The following CHFR variants were observed in gnomAD, a reference collection of about 807,000 sequenced individuals.
CHFR encodes the protein checkpoint with forkhead and ring finger domains.
In CHFR, 57 loss-of-function variants were observed where a neutral mutation model predicts 87.6. The observed-to-expected ratio is 0.65, with a 90% confidence interval of 0.53 to 0.81. CHFR has a LOEUF of 0.81. Among genes scored for constraint, CHFR ranks in the 30% least tolerant of loss-of-function variants. CHFR has a pLI of 0.00. For missense variants in CHFR, 797 were observed against 865.8 expected (o/e 0.92, Z 1.00); for synonymous variants, 381 against 359.2 (o/e 1.06, Z -0.69).
At chr12:132,863,683 C>T (rs554671088) in intron 6 of CHFR, among the ~76,000 whole-genome samples, 6 of 152,256 alleles carry the variant, frequency 3.9e-5, no homozygotes, top group East Asian at 3.9e-4. Flanking sequence ...GTAGGGAGAG[C>T]GCTATCTCCA....
At chr12:132,878,473 TAA>T (rs199736176) in intron 2 of CHFR, among the ~76,000 whole-genome samples, 85 of 112,984 alleles carry the variant, frequency 7.5e-4, no homozygotes, top group Middle Eastern at 6.3e-3. Flanking sequence ...CAACTGGAAA[TAA>T]AAAAAAAAAA....
At chr12:132,860,934 G>T (rs1378480624) in intron 7 of CHFR, among the ~76,000 whole-genome samples, 3 of 152,166 alleles carry the variant, frequency 2.0e-5, no homozygotes, top group Non-Finnish European at 4.4e-5. Context: ...TGCATTTTTA[G>T]TAGAGACGGA....
chr12:132,863,291 T>C (rs1215669233), intron 6 of CHFR, among the ~76,000 whole-genome samples: 7 of 150,644 alleles, frequency 4.6e-5, no homozygotes, highest in Admixed American at 4.6e-4. Context: ...GTGGATCATC[T>C]GAGGTCAGGA....
Position 132,843,031 on chromosome 12 carries a change from C to T in CHFR, c.1896G>A (p.Gln632=), listed in dbSNP as rs1950735030. 1 of 1,613,048 alleles carries T rather than the reference C, an allele frequency of 6.2e-7. No individual in the cohort carries two copies. The highest frequency in any genetic ancestry group is 1.7e-5 in the Admixed American group (1 of 59,892). The change falls in exon 17 of 18, where the codon CAG becomes CAA. Residue 632 remains glutamine, a synonymous_variant. Transcript: ENST00000450056. ...CTCACATGGCGTGGTGAGCTTTCAC[C>T]TGAGTGCGGCAGTTACGGCCCCAGT... ...DCYWGRNCRT[Q]VKAHHAMKFN... is the part of the protein sequence containing the mutation.
chr12:132,872,721 C>T (rs1000242998), intron 3 of CHFR, among the ~76,000 whole-genome samples: 1 of 152,214 alleles, frequency 6.6e-6, no homozygotes, highest in Admixed American at 6.5e-5. Context: ...GCTTCCACCT[C>T]CAGCCTCCCC....
intron 3 of CHFR, among the ~76,000 whole-genome samples, chr12:132,874,980 C>T (rs186699691): frequency 1.0e-3 from 153 of 150,648 alleles, no homozygotes; most frequent in South Asian, 4.2e-3. Flanking sequence ...CTGATGTAGG[C>T]GGGAAAGCCC....
intron 3 of CHFR, among the ~76,000 whole-genome samples, chr12:132,873,218 G>A (rs894161494): frequency 1.3e-5 from 2 of 152,202 alleles, no homozygotes; most frequent in African/African-American, 4.8e-5. Flanking sequence ...GCTGAGGGAT[G>A]GGAGTGGCAA....
At position 132,837,881 on chromosome 12, in the gene CHFR, T is replaced by C. The variant is rs1388219422; in HGVS notation, c.*3673A>G. On this transcript the variant is annotated 3_prime_UTR_variant, in exon 18 of 18. Coordinates refer to ENST00000450056, the MANE Select transcript of CHFR (RefSeq NM_001161346.2). ...GGGCACGGCCGCGGGGACAGCGTTC[T>C]GGTTTCCCCATCAAGCCAGGCTGGA... The C allele has an allele frequency of 6.6e-6, 1 of 152,424 alleles. No homozygotes were observed. Among genetic ancestry groups the C allele is most frequent in the Non-Finnish European group, 1.5e-5 (1 of 68,152 alleles). The allele number at this position is 152,424 out of a possible 1,614,324, so 9.4% of individuals were successfully genotyped here. A position where few individuals can be genotyped will look rare whatever the true frequency, so the allele number is the denominator to read the frequency against.
intron 12 of CHFR, chr12:132,849,239 G>A (rs551684854): frequency 2.4e-4 from 37 of 152,954 alleles, no homozygotes; most frequent in African/African-American, 8.2e-4. Flanking sequence ...ATGATGCACT[G>A]CGCCCGGCCT....
chr12:132,861,323 C>G, intron 7 of CHFR, 144 bp downstream of exon 7: 1 of 729,454 alleles, frequency 1.4e-6, no homozygotes, highest in Admixed American at 2.7e-5. Context: ...ATGAAAATGC[C>G]GGAGGTGTTA....
chr12:132,841,489 T>A lies in CHFR; in HGVS notation c.*65A>T. 1 of 1,403,186 alleles carries A rather than the reference T, an allele frequency of 7.1e-7. No individual in the cohort carries two copies. Among genetic ancestry groups the A allele is most frequent in the Non-Finnish European group, 1.0e-6 (1 of 988,076 alleles). The allele number at this position is 1,403,186 out of a possible 1,614,324, so 86.9% of individuals were successfully genotyped here. On this transcript the variant is annotated 3_prime_UTR_variant, in exon 18 of 18. Transcript: ENST00000450056. The stretch of plus-strand genomic sequence containing the variant: ...GTGAAAACACCTTGACGTGCTTGTC[T>A]CTGTATTTTAAAAACACGCTCTCTT...
intron 3 of CHFR, among the ~76,000 whole-genome samples, chr12:132,874,584 T>C (rs12316858): frequency 3.4e-3 from 199 of 58,688 alleles, no homozygotes; most frequent in African/African-American, 4.7e-3. Flanking sequence ...GCACCCAGCG[T>C]GGGAAAGCCA....
At position 132,837,105 on chromosome 12, in the gene CHFR, G is replaced by C. The variant is rs2136898864; in HGVS notation, c.*4449C>G. 1 of 314,012 alleles carries C rather than the reference G, an allele frequency of 3.2e-6. No individual in the cohort carries two copies. Among genetic ancestry groups the C allele is most frequent in the African/African-American group, 2.2e-5 (1 of 45,438 alleles). 19.5% of individuals were successfully genotyped at this position (314,012 alleles called of 1,614,324 possible). On this transcript the variant is annotated 3_prime_UTR_variant, in exon 18 of 18. Coordinates refer to ENST00000450056, the MANE Select transcript of CHFR (RefSeq NM_001161346.2). Reference sequence around the variant, plus strand: ...TTTGTGAGAATTAGCTGGTTCGGTGGAGAAGCAGAGGAACACCTGAGGGGC... The same window carrying C: ...TTTGTGAGAATTAGCTGGTTCGGTGCAGAAGCAGAGGAACACCTGAGGGGC...
chr12:132,858,969 A>T, intron 8 of CHFR, 99 bp downstream of exon 8: 1 of 1,225,012 alleles, frequency 8.2e-7, no homozygotes, highest in Non-Finnish European at 1.1e-6. Context: ...GCCAGGCCAA[A>T]CAGGACCTGC....
chr12:132,853,403 G>C (rs770024875), intron 11 of CHFR, 28 bp downstream of exon 11: 7 of 1,489,020 alleles, frequency 4.7e-6, no homozygotes, highest in Non-Finnish European at 6.2e-6. Flanking sequence ...TCACGCGAAG[G>C]CTGAGGCCTG....
intron 10 of CHFR, chr12:132,853,854 A>C (rs1951003967): frequency 6.7e-6 from 3 of 445,712 alleles, no homozygotes; most frequent in Non-Finnish European, 1.2e-5. Context: ...GTGTGCTCCC[A>C]GGAGACGACG....
At position 132,840,940 on chromosome 12, in the gene CHFR, T is replaced by C. The variant is rs895287582; in HGVS notation, c.*614A>G. On this transcript the variant is annotated 3_prime_UTR_variant, in exon 18 of 18. Transcript: ENST00000450056. Reference sequence around the variant, plus strand: ...TTTCTTTTTTTAATAAACAGAAGCATATGCTTATTCTTTCAAATACCATAC... The same window carrying C: ...TTTCTTTTTTTAATAAACAGAAGCACATGCTTATTCTTTCAAATACCATAC... 5.2e-5 allele frequency: 8 copies of C among 152,614 alleles called. No individual in the cohort carries two copies. Among genetic ancestry groups the C allele is most frequent in the Admixed American group, 5.2e-4 (8 of 15,290 alleles). 9.5% of individuals were successfully genotyped at this position (152,614 alleles called of 1,614,324 possible).
At chr12:132,856,814 C>G in intron 9 of CHFR, 184 bp from the exon 10 acceptor site, 6 of 733,492 alleles carry the variant, frequency 8.2e-6, no homozygotes, top group Non-Finnish European at 1.5e-5. Flanking sequence ...TGTGGATGCC[C>G]TCACGTGCCC....
rs1336309071 is a variant in CHFR at position 132,840,849 on chromosome 12, C to CAGAAGGGAGCAGCACGTCCTGGGACCTG, written c.*704_*705insCAGGTCCCAGGACGTGCTGCTCCCTTCT. On this transcript the variant is annotated 3_prime_UTR_variant, in exon 18 of 18. Transcript: ENST00000450056. ...CCAGGCTCGGGGCCGCGGTCACTCA[C>CAGAAGGGAGCAGCACGTCCTGGGACCTG]CGGTTAGCAAGGAGCGACTAACTTG... 7.9e-5 allele frequency: 12 copies of CAGAAGGGAGCAGCACGTCCTGGGACCTG among 152,052 alleles called. No homozygotes were observed. The highest frequency in any genetic ancestry group is 2.1e-4 in the South Asian group (1 of 4,806). The allele number at this position is 152,052 out of a possible 1,614,324, so 9.4% of individuals were successfully genotyped here. A position where few individuals can be genotyped will look rare whatever the true frequency, so the allele number is the denominator to read the frequency against.
Sources: gnomAD v4.1 joint callset for allele counts (sites outside exome capture counted in the v4.1 genomes callset) on GRCh38, gnomAD v4.1.1 for gene constraint, MANE v1.5 for transcripts, NCBI Gene and HGNC (gene_info 2026-07-23, HGNC 2026-07-21) for gene names.